The following KRT6A variants were observed in gnomAD, a reference collection of about 807,000 sequenced individuals.
KRT6A encodes keratin 6A.
KRT6A carries 28 observed loss-of-function variants against 48.6 expected under a neutral mutation model. That is an observed-to-expected ratio of 0.58 (90% confidence interval 0.43 to 0.79). KRT6A has a LOEUF of 0.79. KRT6A is among the 30% of genes least tolerant of loss of function. The pLI is 0.00. For missense variants in KRT6A, 687 were observed against 724.3 expected, an observed-to-expected ratio of 0.95 and a Z score of 0.59; for synonymous variants, 301 against 294.2, an observed-to-expected ratio of 1.02 and a Z score of -0.24.
In KRT6A at chr12:52,490,850, A is replaced by T. The variant is rs768620236; in HGVS notation, c.912+8T>A. 1.9e-5 allele frequency: 31 copies of T among 1,613,900 alleles called. No homozygotes were observed. Among genetic ancestry groups the T allele is most frequent in the African/African-American group, 5.3e-5 (4 of 74,900 alleles). ...CAGAGTAAACAGAAGGATGGTGGAG[A>T]TGCTTACTGCATCATACAAGGCTCT... On this transcript the variant is annotated splice_region_variant and intron_variant, in intron 4 of 8. Coordinates refer to ENST00000330722, the MANE Select transcript of KRT6A (RefSeq NM_005554.4).
chr12:52,491,700 T>G lies in KRT6A; in HGVS notation c.577A>C (p.Thr193Pro). ...TGCTCCTGCAGCAGGGTCCACTTTGTTTCCAGAACCTTGTTCTGCTGCTCC... is the reference window on the plus strand; with the variant it reads ...TGCTCCTGCAGCAGGGTCCACTTTGGTTCCAGAACCTTGTTCTGCTGCTCC... ...FLEQQNKVLE[T>P]KWTLLQEQGT... Residue 193 changes from threonine to proline, a missense_variant, in exon 2 of 9, where the codon ACA (threonine) becomes CCA (proline). Coordinates refer to ENST00000330722, the MANE Select transcript of KRT6A (RefSeq NM_005554.4). 6.2e-7 allele frequency: 1 copy of G among 1,614,190 alleles called. No homozygotes were observed. Among genetic ancestry groups the G allele is most frequent in the Non-Finnish European group, 8.5e-7 (1 of 1,180,036 alleles).
At chr12:52,491,433 G>A in intron 2 of KRT6A, 89 bp downstream of exon 2, 1 of 1,521,128 alleles carries the variant, frequency 6.6e-7, no homozygotes, top group Non-Finnish European at 9.1e-7. Context: ...TGGGTTGTTA[G>A]GAATATTACC....
In KRT6A at chr12:52,492,722, A is replaced by G; in HGVS notation, c.467T>C (p.Ile156Thr). The G allele has an allele frequency of 1.2e-6, 2 of 1,613,940 alleles. No individual in the cohort carries two copies. The highest frequency in any genetic ancestry group is 8.5e-7 in the Non-Finnish European group (1 of 1,179,952). ...ACGCTCCTCAGCCCGCACCCGCTGGATGGTGGGATCGATTTGCAGGTTGAG... is the reference window on the plus strand; with the variant it reads ...ACGCTCCTCAGCCCGCACCCGCTGGGTGGTGGGATCGATTTGCAGGTTGAG... ...TPLNLQIDPT[I>T]QRVRAEEREQ... is the part of the protein sequence containing the mutation. Residue 156 changes from isoleucine to threonine, a missense_variant, in exon 1 of 9, where the codon ATC (isoleucine) becomes ACC (threonine). Coordinates refer to ENST00000330722, the MANE Select transcript of KRT6A (RefSeq NM_005554.4).
Position 52,490,970 on chromosome 12 carries a change from C to G in KRT6A, c.817-17G>C. 1.9e-6 allele frequency: 3 copies of G among 1,613,916 alleles called. No individual in the cohort carries two copies. Among genetic ancestry groups the G allele is most frequent in the Non-Finnish European group, 2.5e-6 (3 of 1,179,866 alleles). On this transcript the variant is annotated splice_polypyrimidine_tract_variant and intron_variant, in intron 3 of 8. Transcript: ENST00000330722. ...ATCCACATCCTGGGGAAAGAGCCAA[C>G]AACCTGGAGTTACCTGAGCTCACCT... is the stretch of plus-strand genomic sequence containing the variant.
chr12:52,491,615 A>T lies in KRT6A; in HGVS notation c.662T>A (p.Leu221His), dbSNP rs760581591. 6.2e-7 allele frequency: 1 copy of T among 1,614,050 alleles called. No homozygotes were observed. Among genetic ancestry groups the T allele is most frequent in the Non-Finnish European group, 8.5e-7 (1 of 1,180,008 alleles). ...GACAATGCTGTCCAGCTGCCTCCTG[A>T]GGTTGTTGATGTACTGCTCGAACAA... ...EPLFEQYINN[L>H]RRQLDSIVGE... Residue 221 changes from leucine to histidine, a missense_variant, in exon 2 of 9, where the codon CTC becomes CAC. Coordinates refer to ENST00000330722, the MANE Select transcript of KRT6A (RefSeq NM_005554.4).
Position 52,487,643 on chromosome 12 carries a change from A to G in KRT6A, c.*77T>C. 2.5e-6 allele frequency: 4 copies of G among 1,596,210 alleles called. No homozygotes were observed. The Admixed American group carries it at 5.1e-5, about 20-fold the overall frequency. On this transcript the variant is annotated 3_prime_UTR_variant, in exon 9 of 9. Coordinates refer to ENST00000330722, the MANE Select transcript of KRT6A (RefSeq NM_005554.4). The stretch of plus-strand genomic sequence containing the variant: ...AGGGGAGACTGGAGGCCAGGAGAGG[A>G]AAGGCAACCTGAGGAGAGGGCTCTG...
chr12:52,489,883 G>A, intron 6 of KRT6A, 60 bp downstream of exon 6: 1 of 1,613,622 alleles, frequency 6.2e-7, no homozygotes, highest in South Asian at 1.1e-5. Flanking sequence ...TATAATGGTT[G>A]ATGGCTGCCT....
intron 2 of KRT6A, 80 bp downstream of exon 2, chr12:52,491,441 AC>A (rs1407572646): frequency 6.5e-7 from 1 of 1,541,916 alleles, no homozygotes; most frequent in East Asian, 2.2e-5. Context: ...TAGGAATATT[AC>A]CCCCTTCTGG....
chr12:52,487,546 C>T lies in KRT6A; in HGVS notation c.*174G>A, dbSNP rs1938165005. On this transcript the variant is annotated 3_prime_UTR_variant, in exon 9 of 9. Transcript: ENST00000330722. ...TTGATCTGATGGTGAGCAATGGGTGCTCAGATGGTATAGAGAGAGAGAGAA... is the reference window on the plus strand; with the variant it reads ...TTGATCTGATGGTGAGCAATGGGTGTTCAGATGGTATAGAGAGAGAGAGAA... 1 of 732,442 alleles carries T rather than the reference C, an allele frequency of 1.4e-6. No homozygotes were observed. The highest frequency in any genetic ancestry group is 2.3e-6 in the Non-Finnish European group (1 of 440,820). The allele number at this position is 732,442 out of a possible 1,614,324, so 45.4% of individuals were successfully genotyped here. A position where few individuals can be genotyped will look rare whatever the true frequency, so the allele number is the denominator to read the frequency against.
chr12:52,490,487 G>T, intron 5 of KRT6A, 82 bp downstream of exon 5: 8 of 1,607,980 alleles, frequency 5.0e-6, no homozygotes, highest in Non-Finnish European at 6.0e-6. Context: ...CCTGTCAGGG[G>T]ATGTCCCCAG....
Position 52,492,775 on chromosome 12 carries a change from G to A in KRT6A, c.414C>T (p.Val138=). The A allele has an allele frequency of 6.2e-7, 1 of 1,613,674 alleles. No homozygotes were observed. Among genetic ancestry groups the A allele is most frequent in the Non-Finnish European group, 8.5e-7 (1 of 1,179,878 alleles). Residue 138 remains valine, a synonymous_variant, in exon 1 of 9, where the codon GTC becomes GTT. Transcript: ENST00000330722. ...GAGTCAGGAGACTCTGGTTGACGGT[G>A]ACCTCTTGGATGCCTCCAGGGGGGC... ...PVCPPGGIQE[V]TVNQSLLTPL...
chr12:52,490,480 G>A (rs951835335), intron 5 of KRT6A, 89 bp downstream of exon 5: 14 of 1,597,860 alleles, frequency 8.8e-6, no homozygotes, highest in Admixed American at 1.7e-5. Context: ...CCAGCTTCCT[G>A]TCAGGGGATG....
chr12:52,487,475 A>T lies in KRT6A; in HGVS notation c.*245T>A. On this transcript the variant is annotated 3_prime_UTR_variant, in exon 9 of 9. Transcript: ENST00000330722. ...GAGGCAAGAAATTAATAATTTAGTA[A>T]CAGTGAAGCTCCAGTGGTGATTACA... The T allele has an allele frequency of 1.8e-6, 1 of 562,394 alleles. No homozygotes were observed. Among genetic ancestry groups the T allele is most frequent in the Non-Finnish European group, 3.1e-6 (1 of 321,872 alleles). The allele number at this position is 562,394 out of a possible 1,614,324, so 34.8% of individuals were successfully genotyped here.
intron 6 of KRT6A, 61 bp from the exon 7 acceptor site, chr12:52,488,609 G>C: frequency 6.6e-7 from 1 of 1,511,498 alleles, no homozygotes; most frequent in South Asian, 1.2e-5. Context: ...GACTAAACCT[G>C]GCTGGTTATT....
At chr12:52,488,044 G>A (rs769015439) in intron 8 of KRT6A, 25 bp downstream of exon 8, 4 of 1,614,022 alleles carry the variant, frequency 2.5e-6, no homozygotes, top group African/African-American at 1.3e-5. Flanking sequence ...GAGGGCAGGG[G>A]AGGAAGGCAA....
At position 52,491,686 on chromosome 12, in the gene KRT6A, C is replaced by G; in HGVS notation, c.591G>C (p.Leu197=). 1.2e-6 allele frequency: 2 copies of G among 1,614,222 alleles called. No individual in the cohort carries two copies. Among genetic ancestry groups the G allele is most frequent in the Non-Finnish European group, 1.7e-6 (2 of 1,180,034 alleles). Residue 197 remains leucine, a synonymous_variant, in exon 2 of 9, where the codon CTG becomes CTC. Coordinates refer to ENST00000330722, the MANE Select transcript of KRT6A (RefSeq NM_005554.4). ...CAGTCTTGGTGCCCTGCTCCTGCAG[C>G]AGGGTCCACTTTGTTTCCAGAACCT... ...QNKVLETKWT[L]LQEQGTKTVR...
rs1453016111 is a variant in KRT6A, at chr12:52,492,756, G to T, written c.433C>A (p.Leu145Met). The T allele has an allele frequency of 1.9e-6, 3 of 1,613,888 alleles. No individual in the cohort carries two copies. The highest frequency in any genetic ancestry group is 2.5e-6 in the Non-Finnish European group (3 of 1,179,930). The change falls in exon 1 of 9, where the codon CTG becomes ATG. Residue 145 changes from leucine to methionine, a missense_variant. Leu to Met is a conservative substitution (Grantham distance 15, BLOSUM62 2). Transcript: ENST00000330722. ...IQEVTVNQSL[L>M]TPLNLQIDPT... Reference sequence around the variant, plus strand: ...TCGATTTGCAGGTTGAGGGGAGTCAGGAGACTCTGGTTGACGGTGACCTCT... The same window carrying T: ...TCGATTTGCAGGTTGAGGGGAGTCATGAGACTCTGGTTGACGGTGACCTCT...
At position 52,493,086 on chromosome 12, in the gene KRT6A, T is replaced by C. The variant is rs1387957268; in HGVS notation, c.103A>G (p.Ser35Gly). 1.9e-6 allele frequency: 3 copies of C among 1,613,818 alleles called. No homozygotes were observed. Among genetic ancestry groups the C allele is most frequent in the Non-Finnish European group, 2.5e-6 (3 of 1,180,034 alleles). Reference protein sequence around the residue: ...LPGVSRSGFSSVSVSRSRGSG... With the variant: ...LPGVSRSGFSGVSVSRSRGSG... ...CCCCTGGAGCGGGACACGGAGACGC[T>C]GCTGAAGCCAGAGCGGCTGACCCCA... The change falls in exon 1 of 9, where the codon AGC (serine) becomes GGC (glycine). Residue 35 changes from serine to glycine, a missense_variant. By Grantham distance (56) the Ser-to-Gly change is moderately conservative. Coordinates refer to ENST00000330722, the MANE Select transcript of KRT6A (RefSeq NM_005554.4).
intron 4 of KRT6A, 53 bp downstream of exon 4, chr12:52,490,805 C>A (rs1378105030): frequency 6.2e-7 from 1 of 1,613,930 alleles, no homozygotes; most frequent in African/African-American, 1.3e-5. Flanking sequence ...TATACATCTT[C>A]TCCCCTTTGC....
Sources: allele counts gnomAD v4.1 joint callset, GRCh38; gene constraint gnomAD v4.1.1; transcripts MANE v1.5; gene names NCBI Gene and HGNC (gene_info 2026-07-23, HGNC 2026-07-21).